L2HGDH: variants seen among roughly 807,000 people sequenced by gnomAD.
L2HGDH encodes L-2-hydroxyglutarate dehydrogenase, mitochondrial.
In L2HGDH, 34 loss-of-function variants were observed where a neutral mutation model predicts 51.5. The ratio of observed to expected loss-of-function variants is 0.66; its 90% CI spans 0.50 to 0.88. L2HGDH has a LOEUF of 0.88. Ranked by LOEUF, L2HGDH falls within the 40% of genes least tolerant of loss-of-function variation. The probability of loss-of-function intolerance (pLI) is 0.00; values close to 1 mark genes in which losing one functional copy is unlikely to be tolerated. For missense variants in L2HGDH, 558 were observed against 571.9 expected (o/e 0.98, Z 0.25); for synonymous variants, 198 against 197.9 (o/e 1.00, Z -0.01).
chr14:50,245,277 A>G lies in L2HGDH; in HGVS notation c.*1781T>C, dbSNP rs1056697073. The G allele has an allele frequency of 2.0e-6, 2 of 984,918 alleles. No individual in the cohort carries two copies. Among genetic ancestry groups the G allele is most frequent in the African/African-American group, 3.5e-5 (2 of 57,232 alleles). 61.0% of individuals were successfully genotyped at this position (984,918 alleles called of 1,614,324 possible). The stretch of plus-strand genomic sequence containing the variant: ...TAAAGATCAGAGATATAATAGATAA[A>G]TAACTTTTTTAAATTGGAGTTCTAT... On this transcript the variant is annotated 3_prime_UTR_variant, in exon 10 of 10. Transcript: ENST00000267436.
In L2HGDH at chr14:50,245,348, C is replaced by G; in HGVS notation, c.*1710G>C. Reference sequence around the variant, plus strand: ...AAACTGCTCTCATAAAAATCTGTCTCTTCTAAGTTATTTCAGTTCTCAGCC... The same window carrying G: ...AAACTGCTCTCATAAAAATCTGTCTGTTCTAAGTTATTTCAGTTCTCAGCC... On this transcript the variant is annotated 3_prime_UTR_variant, in exon 10 of 10. Coordinates refer to ENST00000267436, the MANE Select transcript of L2HGDH (RefSeq NM_024884.3). 1.2e-5 allele frequency: 12 copies of G among 985,356 alleles called. No homozygotes were observed. Among genetic ancestry groups the G allele is most frequent in the Non-Finnish European group, 1.4e-5 (12 of 829,918 alleles). The allele number at this position is 985,356 out of a possible 1,614,324, so 61.0% of individuals were successfully genotyped here. A position where few individuals can be genotyped will look rare whatever the true frequency, so the allele number is the denominator to read the frequency against.
At chr14:50,281,218 A>G (rs1890251769) in intron 5 of L2HGDH, among the ~76,000 whole-genome samples, 1 of 152,196 alleles carries the variant, frequency 6.6e-6, no homozygotes, top group African/African-American at 2.4e-5. Context: ...AGACTAATTT[A>G]CATGTTGATA....
At chr14:50,263,430 T>C (rs546348653) in intron 9 of L2HGDH, among the ~76,000 whole-genome samples, 1 of 152,348 alleles carries the variant, frequency 6.6e-6, no homozygotes, top group South Asian at 2.1e-4. Flanking sequence ...GGTCTCAGAA[T>C]GATACATTAC....
chr14:50,265,892 C>T (rs1388754971), intron 8 of L2HGDH, among the ~76,000 whole-genome samples: 2 of 152,058 alleles, frequency 1.3e-5, no homozygotes, highest in East Asian at 1.9e-4. Flanking sequence ...CCAGCCTGGG[C>T]GACAGAGAGA....
chr14:50,297,934 C>CAAA (rs57169909), intron 3 of L2HGDH, among the ~76,000 whole-genome samples: 3 of 148,174 alleles, frequency 2.0e-5, no homozygotes, highest in African/African-American at 7.4e-5. Context: ...GATCCTAACT[C>CAAA]AAAAAAAAAA....
chr14:50,276,782 T>C (rs538249923), intron 6 of L2HGDH, among the ~76,000 whole-genome samples: 41 of 152,322 alleles, frequency 2.7e-4, no homozygotes, highest in Non-Finnish European at 4.1e-4. Flanking sequence ...GTTTGTGCTA[T>C]TTTGTTATGG....
intron 1 of L2HGDH, among the ~76,000 whole-genome samples, chr14:50,311,096 C>T (rs763093129): frequency 1.3e-5 from 2 of 151,906 alleles, no homozygotes; most frequent in Non-Finnish European, 2.9e-5. Flanking sequence ...CCCACCACCA[C>T]GCCAGGCTAA....
rs1228888868 is a variant in L2HGDH at position 50,302,839 on chromosome 14, A to G, written c.256+63T>C. On this transcript the variant is annotated intron_variant, in intron 2 of 9. Transcript: ENST00000267436. Reference sequence around the variant, plus strand: ...CACTGACATTCAGCATGAAAGATTCACAACAGACAAAATGAGCAGATGCCC... The same window carrying G: ...CACTGACATTCAGCATGAAAGATTCGCAACAGACAAAATGAGCAGATGCCC... 1.0e-5 allele frequency: 11 copies of G among 1,084,422 alleles called. No homozygotes were observed. In the East Asian group the frequency reaches 2.4e-4, roughly 23 times the overall value. The allele number at this position is 1,084,422 out of a possible 1,614,324, so 67.2% of individuals were successfully genotyped here. A position where few individuals can be genotyped will look rare whatever the true frequency, so the allele number is the denominator to read the frequency against.
Position 50,265,357 on chromosome 14 carries a change from C to G in L2HGDH, c.1196+1G>C. On this transcript the variant is annotated splice_donor_variant, in intron 9 of 9. Transcript: ENST00000267436. LOFTEE classifies it high-confidence loss of function. ...TTACACTCCTTATCCCTTTTCCTTA[C>G]CTAAGTATATCACTGATAGTAATTT... 6.2e-7 allele frequency: 1 copy of G among 1,610,534 alleles called. No individual in the cohort carries two copies. Among genetic ancestry groups the G allele is most frequent in the Non-Finnish European group, 8.5e-7 (1 of 1,176,936 alleles).
At chr14:50,273,948 C>T (rs1261203491) in intron 6 of L2HGDH, among the ~76,000 whole-genome samples, 1 of 152,048 alleles carries the variant, frequency 6.6e-6, no homozygotes, top group East Asian at 1.9e-4. Flanking sequence ...CATGGTGGCA[C>T]ATGCCTGTAA....
chr14:50,270,167 C>T (rs568358519), intron 6 of L2HGDH, among the ~76,000 whole-genome samples: 3 of 152,324 alleles, frequency 2.0e-5, no homozygotes, highest in Admixed American at 2.0e-4. Flanking sequence ...AGAGCACACA[C>T]TACGTTCAAC....
intron 1 of L2HGDH, among the ~76,000 whole-genome samples, chr14:50,307,520 A>G (rs2030805328): frequency 6.6e-6 from 1 of 152,220 alleles, no homozygotes; most frequent in Admixed American, 6.5e-5. Context: ...TCTACAACTC[A>G]CTTAATCTCA....
Position 50,247,034 on chromosome 14 carries a change from T to G in L2HGDH, c.*24A>C. On this transcript the variant is annotated 3_prime_UTR_variant, in exon 10 of 10. Transcript: ENST00000267436. ...CTTGTTGCTGACATGAAGATTACAG[T>G]GCATACCTAGCTCCTTTCATTATTT... is the stretch of plus-strand genomic sequence containing the variant. The G allele has an allele frequency of 1.2e-6, 2 of 1,608,594 alleles. No individual in the cohort carries two copies. Among genetic ancestry groups the G allele is most frequent in the Non-Finnish European group, 1.7e-6 (2 of 1,176,538 alleles).
At chr14:50,278,465 T>A (rs1362143664) in intron 6 of L2HGDH, 55 bp downstream of exon 6, 3 of 1,179,584 alleles carry the variant, frequency 2.5e-6, no homozygotes, top group Non-Finnish European at 3.8e-6. Context: ...TAATTTAATT[T>A]TTAATAAAGG....
At chr14:50,298,358 C>T (rs542337941) in intron 3 of L2HGDH, among the ~76,000 whole-genome samples, 78 of 151,930 alleles carry the variant, frequency 5.1e-4, no homozygotes, top group Non-Finnish European at 9.1e-4. Context: ...TCTTGTTGCC[C>T]AGGCTGGAGT....
intron 9 of L2HGDH, among the ~76,000 whole-genome samples, chr14:50,262,420 C>G (rs1889084024): frequency 8.0e-6 from 1 of 124,822 alleles, no homozygotes; most frequent in South Asian, 2.7e-4. Flanking sequence ...CAGACCGAGA[C>G]TCTGTCTCAA....
chr14:50,257,993 GC>G (rs1487918813), intron 9 of L2HGDH, among the ~76,000 whole-genome samples: 1 of 148,882 alleles, frequency 6.7e-6, no homozygotes, highest in Admixed American at 6.7e-5. Flanking sequence ...GTGTCCCTCT[GC>G]AGTGGTTTTA....
chr14:50,290,921 C>T (rs930554157), intron 4 of L2HGDH, among the ~76,000 whole-genome samples: 5 of 152,030 alleles, frequency 3.3e-5, no homozygotes, highest in South Asian at 2.1e-4. Flanking sequence ...TTAGCATGGC[C>T]GGGCACGGTG....
intron 1 of L2HGDH, among the ~76,000 whole-genome samples, chr14:50,303,413 G>A (rs1433853245): frequency 2.7e-5 from 4 of 149,990 alleles, no homozygotes; most frequent in African/African-American, 7.4e-5. Flanking sequence ...AGAGCAAGGC[G>A]ACAGAGCAAT....
Sources: allele counts gnomAD v4.1 joint callset (sites outside exome capture counted in the v4.1 genomes callset), GRCh38; gene constraint gnomAD v4.1.1; transcripts MANE v1.5; gene names NCBI Gene and HGNC (gene_info 2026-07-23, HGNC 2026-07-21).